The following IL1RAPL1 variants were observed in gnomAD, a reference collection of about 807,000 sequenced individuals.
The protein encoded by IL1RAPL1 is interleukin-1 receptor accessory protein-like 1.
A neutral mutation model predicts 48.4 loss-of-function variants in IL1RAPL1; 3 were observed. The observed-to-expected ratio is 0.06, with a 90% CI of 0.03 to 0.16. IL1RAPL1 has a LOEUF of 0.16. IL1RAPL1 is among the 10% of genes least tolerant of loss of function. The probability of loss-of-function intolerance (pLI) is 1.00; values close to 1 mark genes in which losing one functional copy is unlikely to be tolerated. For missense variants in IL1RAPL1, 349 were observed against 530.6 expected, an observed-to-expected ratio of 0.66 and a Z score of 3.36; for synonymous variants, 185 against 187.7, an observed-to-expected ratio of 0.99 and a Z score of 0.12.
At chrX:29,011,789 A>G (rs1926128155) in intron 2 of IL1RAPL1, among the ~76,000 whole-genome samples, 1 of 112,884 alleles carries the variant, frequency 8.9e-6, no homozygotes, top group Non-Finnish European at 1.9e-5. Flanking sequence ...TATGTCAATT[A>G]TAAGTCTACA....
chrX:29,102,552 G>A (rs1358410785), intron 2 of IL1RAPL1, among the ~76,000 whole-genome samples: 1 of 109,821 alleles, frequency 9.1e-6, no homozygotes, highest in East Asian at 2.9e-4. Flanking sequence ...TGTGATCCCA[G>A]CTACTCAGGA....
intron 6 of IL1RAPL1, among the ~76,000 whole-genome samples, chrX:29,803,210 T>C (rs1246437980): frequency 5.4e-5 from 2 of 37,270 alleles, no homozygotes; most frequent in East Asian, 1.4e-3. Context: ...TACACACATG[T>C]ATATATGTAT....
intron 1 of IL1RAPL1, among the ~76,000 whole-genome samples, chrX:28,753,198 A>G (rs1480605229): frequency 1.8e-5 from 2 of 112,143 alleles, no homozygotes; most frequent in East Asian, 5.6e-4. Context: ...CACAAAGCCT[A>G]AAGTATTTAC....
rs201057162 is a variant in IL1RAPL1 at position 28,923,415 on chromosome X, TCCAC to T, written c.82+133996_82+133999del. On this transcript the variant is annotated intron_variant, in intron 2 of 10. Coordinates refer to ENST00000378993, the MANE Select transcript of IL1RAPL1 (RefSeq NM_014271.4). ...GTCTCGAACTCCCAACCTCAGGTAA[TCCAC>T]CCACCTCAGCCTCCCAAAGTGCTGG... Among the ~76,000 whole-genome samples the T allele has an allele frequency of 8.4e-3, 933 of 110,995 alleles. 11 individuals carry two copies. Among genetic ancestry groups the T allele is most frequent in the African/African-American group, 0.029 (893 of 30,472 alleles).
At chrX:29,566,221 G>A (rs1008393533) in intron 5 of IL1RAPL1, among the ~76,000 whole-genome samples, 13 of 111,659 alleles carry the variant, frequency 1.2e-4, no homozygotes, top group Non-Finnish European at 2.4e-4. Flanking sequence ...TTACAGGTGC[G>A]AGCCACCGCG....
intron 1 of IL1RAPL1, among the ~76,000 whole-genome samples, chrX:28,695,747 T>G (rs1935222949): frequency 8.9e-6 from 1 of 112,017 alleles, no homozygotes; most frequent in African/African-American, 3.2e-5. Context: ...GCACTGGGGA[T>G]GTAATGGTGA....
At chrX:29,808,130 A>G (rs1455202555) in intron 6 of IL1RAPL1, among the ~76,000 whole-genome samples, 1 of 111,990 alleles carries the variant, frequency 8.9e-6, no homozygotes, top group Non-Finnish European at 1.9e-5. Context: ...TACATCCTTA[A>G]GAAAATAATT....
rs191003245 is a variant in IL1RAPL1, at chrX:28,775,341, A to G, written c.-24-13979A>G. Among the ~76,000 whole-genome samples the G allele has an allele frequency of 4.2e-4, 47 of 112,196 alleles. No homozygotes were observed. The East Asian group carries it at 0.01, about 24-fold the overall frequency. On this transcript the variant is annotated intron_variant, in intron 1 of 10. Transcript: ENST00000378993. ...CTCTTCCTGGTTTCTAGTGGTTACC[A>G]GCAATCTTTGGCTTTCCTTGACTTG...
chrX:28,912,490 A>T (rs1923385631), intron 2 of IL1RAPL1, among the ~76,000 whole-genome samples: 1 of 110,892 alleles, frequency 9.0e-6, no homozygotes, highest in Non-Finnish European at 1.9e-5. Context: ...TAGAGAAATG[A>T]TAGAAAAAAT....
intron 5 of IL1RAPL1, among the ~76,000 whole-genome samples, chrX:29,654,349 G>A (rs1400020530): frequency 1.8e-5 from 2 of 111,581 alleles, no homozygotes; most frequent in Non-Finnish European, 3.8e-5. Context: ...TATAGTATTT[G>A]TATTAGTCTG....
chrX:28,649,693 G>A (rs1230758747), intron 1 of IL1RAPL1, among the ~76,000 whole-genome samples: 3 of 112,331 alleles, frequency 2.7e-5, no homozygotes, highest in African/African-American at 9.7e-5. Context: ...CCAAAGTCAG[G>A]GATGCCATCA....
chrX:29,289,165 A>C (rs1932333620), intron 3 of IL1RAPL1, among the ~76,000 whole-genome samples: 1 of 112,071 alleles, frequency 8.9e-6, no homozygotes, highest in Admixed American at 9.5e-5. Flanking sequence ...CTTTAGTTTA[A>C]TTAGATCCCA....
chrX:29,008,170 T>A (rs748323320), intron 2 of IL1RAPL1, among the ~76,000 whole-genome samples: 47 of 102,861 alleles, frequency 4.6e-4, no homozygotes, highest in African/African-American at 1.6e-3. Flanking sequence ...CCCGGATAAT[T>A]TTTTTTTTTT....
chrX:29,896,141 G>A (rs1444177645), intron 6 of IL1RAPL1, among the ~76,000 whole-genome samples: 1 of 112,031 alleles, frequency 8.9e-6, no homozygotes, highest in Non-Finnish European at 1.9e-5. Flanking sequence ...ATCAGTGGAC[G>A]TCAGACTGCA....
In IL1RAPL1 at chrX:29,064,552, T is replaced by TTTTTTGTTTTTG. The variant is rs200109419; in HGVS notation, c.83-218363_83-218352dup. On this transcript the variant is annotated intron_variant, in intron 2 of 10. Transcript: ENST00000378993. ...GAACAAGTAGATTTTTTTGTTGTTG[T>TTTTTTGTTTTTG]TTTTTGTTTTTGTTTTTGTTTTTGT... is the stretch of plus-strand genomic sequence containing the variant. Among the ~76,000 whole-genome samples, 18 of 109,006 alleles carry TTTTTTGTTTTTG rather than the reference T, an allele frequency of 1.7e-4. No homozygotes were observed. The East Asian group carries it at 2.1e-3, about 13-fold the overall frequency. 94.7% of individuals were successfully genotyped at this position (109,006 alleles called of 115,157 possible). A position where few individuals can be genotyped will look rare whatever the true frequency, so the allele number is the denominator to read the frequency against.
At chrX:29,161,837 C>T (rs1929690641) in intron 2 of IL1RAPL1, among the ~76,000 whole-genome samples, 1 of 111,983 alleles carries the variant, frequency 8.9e-6, no homozygotes, top group Admixed American at 9.5e-5. Flanking sequence ...TACCATTTGA[C>T]ACAGCAATCC....
intron 6 of IL1RAPL1, among the ~76,000 whole-genome samples, chrX:29,764,173 T>C (rs1373838976): frequency 9.0e-6 from 1 of 111,578 alleles, no homozygotes; most frequent in Non-Finnish European, 1.9e-5. Context: ...TTCAGTGGTT[T>C]TCATTGATAG....
At position 29,662,069 on chromosome X, in the gene IL1RAPL1, C is replaced by A. The variant is rs770000734; in HGVS notation, c.704-6361C>A. ...TATTTTTAAAACTCTCCAAAGCATTCCTCTTATACTTAAAATAAAACCCAA... is the reference window on the plus strand; with the variant it reads ...TATTTTTAAAACTCTCCAAAGCATTACTCTTATACTTAAAATAAAACCCAA... On this transcript the variant is annotated intron_variant, in intron 5 of 10. Transcript: ENST00000378993. Among the ~76,000 whole-genome samples, 10 of 111,744 alleles carry A rather than the reference C, an allele frequency of 8.9e-5. No individual in the cohort carries two copies. In the South Asian group the frequency reaches 3.8e-3, roughly 42 times the overall value.
At chrX:29,199,203 T>A (rs1930504303) in intron 2 of IL1RAPL1, among the ~76,000 whole-genome samples, 2 of 111,536 alleles carry the variant, frequency 1.8e-5, no homozygotes, top group East Asian at 5.6e-4. Context: ...CATGAGAAAA[T>A]GTTTGTATAA....
Sources: gnomAD v4.1 joint callset for allele counts (sites outside exome capture counted in the v4.1 genomes callset) on GRCh38, gnomAD v4.1.1 for gene constraint, MANE v1.5 for transcripts, NCBI Gene and HGNC (gene_info 2026-07-23, HGNC 2026-07-21) for gene names.